Variants in HPGD observed in about 807,000 individuals in gnomAD.
HPGD encodes 15-hydroxyprostaglandin dehydrogenase [NAD(+)].
HPGD carries 29 observed loss-of-function variants against 30.0 expected under a neutral mutation model. The observed-to-expected ratio is 0.97, with a 90% CI of 0.72 to 1.32. The LOEUF (loss-of-function observed/expected upper bound fraction) is 1.32. HPGD is among the 40% of genes most tolerant of loss of function. HPGD has a pLI of 0.00. For synonymous variants in HPGD, 99 were observed against 112.4 expected, an observed-to-expected ratio of 0.88 and a Z score of 0.75; for missense variants, 340 against 322.1, an observed-to-expected ratio of 1.06 and a Z score of -0.43.
At chr4:174,508,879 G>T in intron 3 of HPGD, 87 bp from the exon 4 acceptor site, 2 of 775,998 alleles carry the variant, frequency 2.6e-6, no homozygotes. Flanking sequence ...AGCTATTCCA[G>T]ATACCTAGGG....
At position 174,494,305 on chromosome 4, in the gene HPGD, T is replaced by A. The variant is rs1199825107; in HGVS notation, c.499-991A>T. On this transcript the variant is annotated intron_variant, in intron 5 of 6. Coordinates refer to ENST00000296522, the MANE Select transcript of HPGD (RefSeq NM_000860.6). The surrounding 1 kb of genome is among the most constrained non-coding windows in gnomAD (Gnocchi z 4.9). Reference sequence around the variant, plus strand: ...TGTATTGACTGGTTGATTGGAGTTTTGTGACCAGAGGCTTTCAGGAACTTA... The same window carrying A: ...TGTATTGACTGGTTGATTGGAGTTTAGTGACCAGAGGCTTTCAGGAACTTA... Among the ~76,000 whole-genome samples, 2 of 152,224 alleles carry A rather than the reference T, an allele frequency of 1.3e-5. No homozygotes were observed. Among genetic ancestry groups the A allele is most frequent in the African/African-American group, 2.4e-5 (1 of 41,458 alleles).
intron 3 of HPGD, 89 bp downstream of exon 3, chr4:174,517,882 T>C (rs993179430): frequency 7.0e-6 from 5 of 713,494 alleles, no homozygotes; most frequent in Non-Finnish European, 1.2e-5. Context: ...GTCATTGTTT[T>C]GTTTCCATGA....
intron 1 of HPGD, 93 bp downstream of exon 1, chr4:174,522,266 G>A (rs1736179328): frequency 2.2e-6 from 3 of 1,371,132 alleles, no homozygotes; most frequent in African/African-American, 1.5e-5. Flanking sequence ...CGCCGGGCGC[G>A]GCCTCCCTGT....
chr4:174,521,971 C>A lies in HPGD; in HGVS notation c.190G>T (p.Asp64Tyr), dbSNP rs1171070026. The A allele has an allele frequency of 1.2e-6, 2 of 1,614,138 alleles. No homozygotes were observed. The highest frequency in any genetic ancestry group is 1.7e-5 in the Admixed American group (1 of 60,026). Residue 64 changes from aspartate to tyrosine, a missense_variant, in exon 2 of 7, where the codon GAT (aspartate) becomes TAT (tyrosine). Physicochemically the swap from Asp to Tyr is radical, Grantham distance 160 (BLOSUM62 -3). Transcript: ENST00000296522. ...CTCAGTTGTTGCTGGTCAGCCACAT[C>A]GCACTGGATGAACAGAGTCTTCTGA... ...EPQKTLFIQC[D>Y]VADQQQLRDT...
At chr4:174,511,571 T>C (rs1310538291) in intron 3 of HPGD, among the ~76,000 whole-genome samples, 1 of 152,214 alleles carries the variant, frequency 6.6e-6, no homozygotes, top group African/African-American at 2.4e-5. Context: ...AAAGTTAAGT[T>C]TACCTCTGCC....
chr4:174,522,506 GC>G (rs1444066002), upstream of HPGD: 8 of 1,419,398 alleles, frequency 5.6e-6, no homozygotes, highest in Middle Eastern at 7.5e-4. Flanking sequence ...CCGCGCGGCC[GC>G]GGCTTTTATG....
rs75834474 is a variant in HPGD at position 174,516,986 on chromosome 4, G to A, written c.324+985C>T. Reference sequence around the variant, plus strand: ...TCTACTAGGAGGATATCATGAAGTAGGAGGTCACTCCCTGTACCTTTATAC... The same window carrying A: ...TCTACTAGGAGGATATCATGAAGTAAGAGGTCACTCCCTGTACCTTTATAC... On this transcript the variant is annotated intron_variant, in intron 3 of 6. Transcript: ENST00000296522. 3.7e-3 allele frequency among the ~76,000 whole-genome samples: 570 copies of A among 152,254 alleles called. 3 individuals are homozygous for A. The highest frequency in any genetic ancestry group is 0.013 in the African/African-American group (542 of 41,554).
chr4:174,501,889 A>C (rs1463535280), intron 4 of HPGD, among the ~76,000 whole-genome samples: 1 of 152,218 alleles, frequency 6.6e-6, no homozygotes, highest in Non-Finnish European at 1.5e-5. Context: ...CAGAAGGTAA[A>C]AAAGCTCAAA....
At position 174,522,210 on chromosome 4, in the gene HPGD, C is replaced by G. The variant is rs1038618751; in HGVS notation, c.94-143G>C. The G allele has an allele frequency of 9.1e-6, 13 of 1,425,388 alleles. No homozygotes were observed. In the Admixed American group the frequency reaches 2.3e-4, roughly 25 times the overall value. 88.3% of individuals were successfully genotyped at this position (1,425,388 alleles called of 1,614,324 possible). A position where few individuals can be genotyped will look rare whatever the true frequency, so the allele number is the denominator to read the frequency against. On this transcript the variant is annotated intron_variant, in intron 1 of 6. Coordinates refer to ENST00000296522, the MANE Select transcript of HPGD (RefSeq NM_000860.6). ...CCCTCCCAGCCACTTCTGAGGTGTG[C>G]TCACAGCCTCAGCTTCAGCAAATTT...
chr4:174,497,793 G>T (rs2110788605), intron 4 of HPGD, among the ~76,000 whole-genome samples: 1 of 151,602 alleles, frequency 6.6e-6, no homozygotes, highest in Non-Finnish European at 1.5e-5. Context: ...GGCCAGGATG[G>T]TCTTGATTTC....
chr4:174,499,731 A>C (rs574090904), intron 4 of HPGD, among the ~76,000 whole-genome samples: 1 of 152,232 alleles, frequency 6.6e-6, no homozygotes, highest in East Asian at 1.9e-4. Flanking sequence ...GCTTTCCTTG[A>C]AACATTTCCT....
Position 174,496,935 on chromosome 4 carries a change from T to C in HPGD, c.422-1311A>G, listed in dbSNP as rs1220660166. Reference sequence around the variant, plus strand: ...TATTGTTAATATGTTGCTTCTCTTGTTGTCATTGTTGTTGTTAAGTAAAAT... The same window carrying C: ...TATTGTTAATATGTTGCTTCTCTTGCTGTCATTGTTGTTGTTAAGTAAAAT... On this transcript the variant is annotated intron_variant, in intron 4 of 6. Coordinates refer to ENST00000296522, the MANE Select transcript of HPGD (RefSeq NM_000860.6). The surrounding 1 kb of genome is among the most constrained non-coding windows in gnomAD (Gnocchi z 4.6). Among the ~76,000 whole-genome samples, 2 of 150,936 alleles carry C rather than the reference T, an allele frequency of 1.3e-5. No homozygotes were observed. Among genetic ancestry groups the C allele is most frequent in the African/African-American group, 2.4e-5 (1 of 41,368 alleles).
In HPGD at chr4:174,504,609, A is replaced by C. The variant is rs181721326; in HGVS notation, c.421+4087T>G. Among the ~76,000 whole-genome samples, 622 of 151,574 alleles carry C rather than the reference A, an allele frequency of 4.1e-3. 4 individuals are homozygous for C. Among genetic ancestry groups the C allele is most frequent in the Admixed American group, 8.4e-3 (127 of 15,206 alleles). On this transcript the variant is annotated intron_variant, in intron 4 of 6. Transcript: ENST00000296522. ...GATCACCTGAGGTCAGGAGTTCGAT[A>C]CCAGCCTGGCTAGCATGATGAAATC...
rs997078531 is a variant in HPGD at position 174,491,358 on chromosome 4, C to T, written c.*598G>A. On this transcript the variant is annotated 3_prime_UTR_variant, in exon 7 of 7. Transcript: ENST00000296522. Reference sequence around the variant, plus strand: ...GTGAATCAACAGTGTCAATCAGTTACTTTCTGTCATTTTTCCATACAGCAG... The same window carrying T: ...GTGAATCAACAGTGTCAATCAGTTATTTTCTGTCATTTTTCCATACAGCAG... The T allele has an allele frequency of 1.3e-5, 2 of 152,866 alleles. No individual in the cohort carries two copies. The highest frequency in any genetic ancestry group is 4.8e-5 in the African/African-American group (2 of 41,430). 9.5% of individuals were successfully genotyped at this position (152,866 alleles called of 1,614,324 possible).
chr4:174,521,832 G>GCT, intron 2 of HPGD, 112 bp downstream of exon 2: 1 of 1,224,816 alleles, frequency 8.2e-7, no homozygotes, highest in Non-Finnish European at 1.2e-6. Flanking sequence ...CAAGGTAGCT[G>GCT]CTCTCGAGGA....
In HPGD at chr4:174,522,462, C is replaced by G; in HGVS notation, c.-11G>C. 1.3e-6 allele frequency: 2 copies of G among 1,550,990 alleles called. No homozygotes were observed. The highest frequency in any genetic ancestry group is 1.7e-6 in the Non-Finnish European group (2 of 1,145,050). Reference sequence around the variant, plus strand: ...GCCGTTCACGTGCATGGTGCAGCCACTGCTGGGGCGGGCGGTGGGCGAGCT... The same window carrying G: ...GCCGTTCACGTGCATGGTGCAGCCAGTGCTGGGGCGGGCGGTGGGCGAGCT... On this transcript the variant is annotated 5_prime_UTR_variant, in exon 1 of 7. Transcript: ENST00000296522.
Position 174,508,807 on chromosome 4 carries a change from T to C in HPGD, c.325-15A>G. On this transcript the variant is annotated splice_polypyrimidine_tract_variant and intron_variant, in intron 3 of 6. Transcript: ENST00000296522. ...ATAACAGAAACCTAATCCAGAGGCA[T>C]AAGTGAGAAAAGGAATACAGTCATT... is the stretch of plus-strand genomic sequence containing the variant. The C allele has an allele frequency of 7.2e-7, 1 of 1,385,676 alleles. No individual in the cohort carries two copies. The highest frequency in any genetic ancestry group is 1.0e-6 in the Non-Finnish European group (1 of 972,732). 85.8% of individuals were successfully genotyped at this position (1,385,676 alleles called of 1,614,324 possible). A position where few individuals can be genotyped will look rare whatever the true frequency, so the allele number is the denominator to read the frequency against.
In HPGD at chr4:174,522,346, G is replaced by T; in HGVS notation, c.93+13C>A. 6.4e-7 allele frequency: 1 copy of T among 1,553,910 alleles called. No homozygotes were observed. ...TGGGCAGAGAAATTTCCGCGGCTGG[G>T]CGCCGGGCTTACCTTGGCGCCCTTA... On this transcript the variant is annotated intron_variant, in intron 1 of 6. Transcript: ENST00000296522.
chr4:174,511,774 A>G (rs1156549671), intron 3 of HPGD, among the ~76,000 whole-genome samples: 4 of 152,108 alleles, frequency 2.6e-5, no homozygotes, highest in Non-Finnish European at 5.9e-5. Flanking sequence ...AGCCTCCTGA[A>G]TAACTGGGAC....
Sources: gnomAD v4.1 joint callset for allele counts (sites outside exome capture counted in the v4.1 genomes callset) on GRCh38, gnomAD v4.1.1 for gene constraint, Gnocchi (gnomAD v3.1) non-coding constraint, MANE v1.5 for transcripts, NCBI Gene and HGNC (gene_info 2026-07-23, HGNC 2026-07-21) for gene names.